The following SLTM variants were observed in gnomAD, a reference collection of about 807,000 sequenced individuals.
SLTM encodes the protein SAFB like transcription modulator, also known as SAFB-like transcription modulator.
In SLTM, 43 loss-of-function variants were observed where a neutral mutation model predicts 134.6. The ratio of observed to expected loss-of-function variants is 0.32; its 90% CI spans 0.25 to 0.41. SLTM has a LOEUF of 0.41. Ranked by LOEUF, SLTM falls within the 10% of genes least tolerant of loss-of-function variation. The pLI, the probability that SLTM is intolerant of heterozygous loss-of-function variation, is 1.00. For missense variants in SLTM, 1,055 were observed against 1,288.8 expected, an observed-to-expected ratio of 0.82 and a Z score of 2.78; for synonymous variants, 424 against 432.3, an observed-to-expected ratio of 0.98 and a Z score of 0.24.
intron 16 of SLTM, 130 bp downstream of exon 16, chr15:58,889,300 A>C: frequency 8.2e-7 from 1 of 1,223,326 alleles, no homozygotes; most frequent in Non-Finnish European, 1.1e-6. Context: ...CAGTACTGTA[A>C]TCCTTCCCAT....
intron 5 of SLTM, 52 bp from the exon 6 acceptor site, chr15:58,901,339 T>G (rs1413067986): frequency 6.8e-7 from 1 of 1,468,864 alleles, no homozygotes; most frequent in African/African-American, 1.4e-5. Flanking sequence ...AAAACTAGAT[T>G]TTAGTAATAG....
At chr15:58,925,752 C>G (rs187572337) in intron 2 of SLTM, among the ~76,000 whole-genome samples, 75 of 152,164 alleles carry the variant, frequency 4.9e-4, no homozygotes, top group Admixed American at 2.7e-3. Context: ...TAAAGATGAA[C>G]AGAATAAACA....
intron 2 of SLTM, among the ~76,000 whole-genome samples, chr15:58,918,844 T>C (rs557030803): frequency 6.6e-6 from 1 of 151,830 alleles, no homozygotes; most frequent in African/African-American, 2.4e-5. Flanking sequence ...TAGAAGTTAC[T>C]AAAAGGGCAA....
intron 2 of SLTM, among the ~76,000 whole-genome samples, chr15:58,918,235 T>C (rs1375852091): frequency 6.6e-6 from 1 of 152,152 alleles, no homozygotes; most frequent in African/African-American, 2.4e-5. Flanking sequence ...AAAAAAATTT[T>C]TTTTTTCATT....
Position 58,879,387 on chromosome 15 carries a change from T to C in SLTM, c.*612A>G, listed in dbSNP as rs2033518742. On this transcript the variant is annotated 3_prime_UTR_variant, in exon 21 of 21. Coordinates refer to ENST00000380516, the MANE Select transcript of SLTM (RefSeq NM_024755.4). ...CTGCTACACTAAACTGAAAATCGGTTCTCATTTTACAATTAAAAAGGTTCT... is the reference window on the plus strand; with the variant it reads ...CTGCTACACTAAACTGAAAATCGGTCCTCATTTTACAATTAAAAAGGTTCT... 1 of 152,618 alleles carries C rather than the reference T, an allele frequency of 6.6e-6. No individual in the cohort carries two copies. Among genetic ancestry groups the C allele is most frequent in the African/African-American group, 2.4e-5 (1 of 41,464 alleles). 9.5% of individuals were successfully genotyped at this position (152,618 alleles called of 1,614,324 possible). A position where few individuals can be genotyped will look rare whatever the true frequency, so the allele number is the denominator to read the frequency against.
intron 2 of SLTM, among the ~76,000 whole-genome samples, chr15:58,929,556 C>T (rs1436997625): frequency 6.6e-6 from 1 of 152,150 alleles, no homozygotes; most frequent in East Asian, 1.9e-4. Context: ...TTTCCCTATA[C>T]AAATTTGGTT....
intron 12 of SLTM, 46 bp from the exon 13 acceptor site, chr15:58,893,410 G>C (rs2034820291): frequency 3.7e-6 from 5 of 1,364,288 alleles, no homozygotes; most frequent in Non-Finnish European, 3.0e-6. Context: ...ATTTTTCATT[G>C]AGAAAGAAAA....
Position 58,933,413 on chromosome 15 carries a change from T to C in SLTM, c.153A>G (p.Arg51=). Residue 51 remains arginine (R), a synonymous_variant, in exon 1 of 21, where the codon CGA becomes CGG. Transcript: ENST00000380516. The stretch of plus-strand genomic sequence containing the variant: ...CCTCGCCGGGCCTCACCTGCTTGAG[T>C]CGGGAGATGAGCACGGTCTTGACTC... ...ITGVKTVLIS[R]LKQAIEEEGG... is the part of the protein sequence containing the mutation. 1 of 1,578,450 alleles carries C rather than the reference T, an allele frequency of 6.3e-7. No homozygotes were observed. Among genetic ancestry groups the C allele is most frequent in the Non-Finnish European group, 8.6e-7 (1 of 1,162,672 alleles).
intron 3 of SLTM, among the ~76,000 whole-genome samples, chr15:58,915,192 AAAAACAAAAAC>A (rs2036544807): frequency 9.9e-5 from 1 of 10,068 alleles, no homozygotes; most frequent in Non-Finnish European, 6.9e-4. Context: ...CTCCATCTCA[AAAAACAAAAAC>A]AAAAACAAAA....
At chr15:58,912,696 T>C (rs2036367270) in intron 4 of SLTM, 86 bp from the exon 5 acceptor site, 1 of 1,071,382 alleles carries the variant, frequency 9.3e-7, no homozygotes, top group South Asian at 1.3e-5. Flanking sequence ...TGATTATCAT[T>C]TGCCTTGTGT....
At position 58,899,284 on chromosome 15, in the gene SLTM, C is replaced by T. The variant is rs185582706; in HGVS notation, c.1058+185G>A. The T allele has an allele frequency of 1.2e-4, 67 of 574,848 alleles. No individual in the cohort carries two copies. Among genetic ancestry groups the T allele is most frequent in the African/African-American group, 1.1e-3 (59 of 53,036 alleles). The allele number at this position is 574,848 out of a possible 1,614,324, so 35.6% of individuals were successfully genotyped here. A position where few individuals can be genotyped will look rare whatever the true frequency, so the allele number is the denominator to read the frequency against. On this transcript the variant is annotated intron_variant, in intron 7 of 20. Coordinates refer to ENST00000380516, the MANE Select transcript of SLTM (RefSeq NM_024755.4). This position sits in a 1 kb window ranked among gnomAD's most constrained non-coding sequence, Gnocchi z 5.0. The stretch of plus-strand genomic sequence containing the variant: ...ACATTCGACAATGCAATCAGTAGAA[C>T]ACACTGCATTATTATGAAGATCTTG...
At position 58,893,757 on chromosome 15, in the gene SLTM, C is replaced by G. The variant is rs1028655847; in HGVS notation, c.1648+64G>C. On this transcript the variant is annotated intron_variant, in intron 12 of 20. Coordinates refer to ENST00000380516, the MANE Select transcript of SLTM (RefSeq NM_024755.4). Reference sequence around the variant, plus strand: ...TCTGGATTAGAATTTCAGGTTTTCCCTTCCACTGTAAAAATTAAGTAGTAG... The same window carrying G: ...TCTGGATTAGAATTTCAGGTTTTCCGTTCCACTGTAAAAATTAAGTAGTAG... The G allele has an allele frequency of 2.6e-5, 39 of 1,509,560 alleles. No individual in the cohort carries two copies. The Admixed American group carries it at 2.7e-4, about 10-fold the overall frequency. 93.5% of individuals were successfully genotyped at this position (1,509,560 alleles called of 1,614,324 possible).
At chr15:58,901,175 T>A (rs1307229833) in intron 6 of SLTM, 85 bp downstream of exon 6, 1 of 1,023,386 alleles carries the variant, frequency 9.8e-7, no homozygotes, top group African/African-American at 1.6e-5. Flanking sequence ...ATTTCAAAAA[T>A]AAGATTTCAA....
intron 2 of SLTM, among the ~76,000 whole-genome samples, chr15:58,927,966 T>C (rs1375189091): frequency 3.3e-5 from 5 of 152,252 alleles, no homozygotes; most frequent in Admixed American, 3.3e-4. Flanking sequence ...TACTTAATTA[T>C]AAATATGTAG....
chr15:58,880,394 G>A (rs1333972266), intron 20 of SLTM, among the ~76,000 whole-genome samples: 5 of 152,080 alleles, frequency 3.3e-5, no homozygotes, highest in African/African-American at 9.7e-5. Flanking sequence ...GGATCTGCAC[G>A]TGGACTACAG....
intron 2 of SLTM, among the ~76,000 whole-genome samples, chr15:58,927,293 AGAT>A (rs1423953992): frequency 6.6e-6 from 1 of 152,200 alleles, no homozygotes; most frequent in African/African-American, 2.4e-5. Context: ...GATTATCTAA[AGAT>A]GATGATCTTG....
intron 20 of SLTM, among the ~76,000 whole-genome samples, chr15:58,881,944 C>T (rs2033748844): frequency 6.6e-6 from 1 of 151,718 alleles, no homozygotes; most frequent in Admixed American, 6.6e-5. Context: ...GGCGCAGTGG[C>T]TCATGCCTGT....
rs1420152895 is a variant in SLTM at position 58,890,465 on chromosome 15, C to A, written c.1899-4G>T. On this transcript the variant is annotated splice_polypyrimidine_tract_variant and splice_region_variant and intron_variant, in intron 14 of 20. Coordinates refer to ENST00000380516, the MANE Select transcript of SLTM (RefSeq NM_024755.4). ...TCTCTCTGCAATCTCTCTTCGTCTA[C>A]CAAAAATCAGTATTTAGAAATACTT... The A allele has an allele frequency of 3.1e-6, 5 of 1,610,892 alleles. No individual in the cohort carries two copies. The Admixed American group carries it at 6.7e-5, about 22-fold the overall frequency.
chr15:58,887,482 C>T lies in SLTM; in HGVS notation c.2434G>A (p.Glu812Lys). Residue 812 changes from glutamate (E) to lysine (K), a missense_variant, in exon 18 of 21, where the codon GAA becomes AAA. Around this residue, in one of 3 missense-constraint regions of SLTM, gnomAD observed 776 missense variants for 962.2 expected, o/e 0.81. Coordinates refer to ENST00000380516, the MANE Select transcript of SLTM (RefSeq NM_024755.4). ...GKKARPTARR[E>K]DPSFERYPKN... ...GGATATCTTTCGAAGCTTGGATCTT[C>T]CCTTCGTGCAGTAGGTCGTGCTTTT... 1 of 1,614,064 alleles carries T rather than the reference C, an allele frequency of 6.2e-7. No homozygotes were observed. The highest frequency in any genetic ancestry group is 8.5e-7 in the Non-Finnish European group (1 of 1,180,008).
Sources: allele counts gnomAD v4.1 joint callset (sites outside exome capture counted in the v4.1 genomes callset), GRCh38; gene constraint gnomAD v4.1.1; regional missense constraint gnomAD v4.1.1; non-coding constraint Gnocchi (gnomAD v3.1); transcripts MANE v1.5; gene names NCBI Gene and HGNC (gene_info 2026-07-23, HGNC 2026-07-21).